The following NFE2L3 variants were observed in gnomAD, a reference collection of about 807,000 sequenced individuals.
NFE2L3 encodes the protein nuclear factor erythroid 2-related factor 3.
NFE2L3 carries 18 observed loss-of-function variants against 23.5 expected under a neutral mutation model. That is an observed-to-expected ratio of 0.77 (90% CI 0.53 to 1.13). NFE2L3 has a LOEUF of 1.13. NFE2L3 is among the 50% of genes most tolerant of loss of function. The probability of loss-of-function intolerance (pLI) is 0.00; values close to 1 mark genes in which losing one functional copy is unlikely to be tolerated. For missense variants in NFE2L3, 1,152 were observed against 877.2 expected, an observed-to-expected ratio of 1.31 and a Z score of -3.96; for synonymous variants, 424 against 354.5, an observed-to-expected ratio of 1.20 and a Z score of -2.20.
chr7:26,178,615 C>T (rs1479567800), intron 2 of NFE2L3, among the ~76,000 whole-genome samples: 2 of 152,200 alleles, frequency 1.3e-5, no homozygotes, highest in African/African-American at 4.8e-5. Flanking sequence ...AGTGGGACCA[C>T]CTCCTTAACT....
intron 1 of NFE2L3, among the ~76,000 whole-genome samples, chr7:26,168,669 G>A (rs1410129270): frequency 1.3e-5 from 2 of 151,742 alleles, no homozygotes; most frequent in Non-Finnish European, 2.9e-5. Context: ...TGCGAATTGT[G>A]CTGCTATAAA....
At chr7:26,163,548 C>A (rs918168810) in intron 1 of NFE2L3, among the ~76,000 whole-genome samples, 1 of 152,040 alleles carries the variant, frequency 6.6e-6, no homozygotes, top group East Asian at 1.9e-4. Context: ...GATTTCACCA[C>A]GTTGACCAGG....
intron 1 of NFE2L3, among the ~76,000 whole-genome samples, chr7:26,155,272 T>C (rs1367237305): frequency 6.6e-6 from 1 of 152,034 alleles, no homozygotes; most frequent in Non-Finnish European, 1.5e-5. Context: ...GTGAACCCCA[T>C]CTTTACTAAA....
In NFE2L3 at chr7:26,152,865, G is replaced by C; in HGVS notation, c.367G>C (p.Glu123Gln). ...VHSVAAGSADEAHGLLGAAAA... is the reference protein window; with the variant it reads ...VHSVAAGSADQAHGLLGAAAA... ...CAGCGTGGCTGCCGGGAGCGCGGAC[G>C]AGGCCCACGGGCTGCTCGGCGCCGC... Residue 123 changes from glutamate (E) to glutamine (Q), a missense_variant, in exon 1 of 4, where the codon GAG (glutamate) becomes CAG (glutamine). Transcript: ENST00000056233. The surrounding 1 kb of genome is among the most constrained non-coding windows in gnomAD (Gnocchi z 4.4). 1 of 1,470,920 alleles carries C rather than the reference G, an allele frequency of 6.8e-7. No homozygotes were observed. The allele number at this position is 1,470,920 out of a possible 1,614,324, so 91.1% of individuals were successfully genotyped here. A position where few individuals can be genotyped will look rare whatever the true frequency, so the allele number is the denominator to read the frequency against.
At chr7:26,173,412 T>C (rs1042703360) in intron 1 of NFE2L3, 1 of 152,224 alleles carries the variant, frequency 6.6e-6, no homozygotes, top group Non-Finnish European at 1.5e-5. Flanking sequence ...GTGTGTTGTA[T>C]TAATGCACAT....
Position 26,185,421 on chromosome 7 carries a change from C to G in NFE2L3, c.1723C>G (p.Gln575Glu), listed in dbSNP as rs1436209413. 6.2e-7 allele frequency: 1 copy of G among 1,614,108 alleles called. No individual in the cohort carries two copies. Residue 575 changes from glutamine (Q) to glutamate (E), a missense_variant, in exon 4 of 4, where the codon CAA becomes GAA. Transcript: ENST00000056233. ...MLSRYYLTDL[Q>E]VSLIRDIRRR... ...AAGTAGATATTATCTGACAGACCTA[C>G]AAGTCTCACTTATCCGTGACATCAG...
At position 26,186,076 on chromosome 7, in the gene NFE2L3, G is replaced by C. The variant is rs1562682016; in HGVS notation, c.*293G>C. The stretch of plus-strand genomic sequence containing the variant: ...AAACCCAGTAAGACTTTCCATCTTG[G>C]CAGCCATCCTTTTTAAGAGTAAGTT... On this transcript the variant is annotated 3_prime_UTR_variant, in exon 4 of 4. Transcript: ENST00000056233. 2 of 240,658 alleles carry C rather than the reference G, an allele frequency of 8.3e-6. No individual in the cohort carries two copies. The highest frequency in any genetic ancestry group is 4.5e-5 in the African/African-American group (2 of 44,604). 14.9% of individuals were successfully genotyped at this position (240,658 alleles called of 1,614,324 possible). A position where few individuals can be genotyped will look rare whatever the true frequency, so the allele number is the denominator to read the frequency against.
At chr7:26,173,784 A>C (rs1344900926) in intron 1 of NFE2L3, 1 of 152,210 alleles carries the variant, frequency 6.6e-6, no homozygotes, top group African/African-American at 2.4e-5. Context: ...ATGTGCCAGA[A>C]TCTGGGTTAC....
chr7:26,181,707 GAA>G lies in NFE2L3; in HGVS notation c.751-1990_751-1989del, dbSNP rs1300674821. On this transcript the variant is annotated intron_variant, in intron 2 of 3. Coordinates refer to ENST00000056233, the MANE Select transcript of NFE2L3 (RefSeq NM_004289.7). ...CAAAAGTCAGGATTCCTAGTCCTCT[GAA>G]AAAGACTCTAAATCAGTGTTTAAAT... 6.6e-5 allele frequency among the ~76,000 whole-genome samples: 10 copies of G among 152,240 alleles called. No homozygotes were observed. The East Asian group carries it at 1.4e-3, about 21-fold the overall frequency.
Position 26,185,477 on chromosome 7 carries a change from G to C in NFE2L3, c.1779G>C (p.Gln593His), listed in dbSNP as rs760726955. ...GAGGGAAAAATAAAGTTGCTGCGCAGAACTGTCGTAAACGCAAATTGGACA... is the reference window on the plus strand; with the variant it reads ...GAGGGAAAAATAAAGTTGCTGCGCACAACTGTCGTAAACGCAAATTGGACA... ...RRRGKNKVAA[Q>H]NCRKRKLDII... The change falls in exon 4 of 4, where the codon CAG becomes CAC. Residue 593 changes from glutamine (Q) to histidine (H), a missense_variant. By Grantham distance (24) the Gln-to-His change is conservative. Transcript: ENST00000056233. 76 of 1,613,874 alleles carry C rather than the reference G, an allele frequency of 4.7e-5. No homozygotes were observed. The highest frequency in any genetic ancestry group is 1.3e-4 in the South Asian group (12 of 91,072).
At chr7:26,183,825 T>C in intron 3 of NFE2L3, 41 bp downstream of exon 3, 2 of 1,257,004 alleles carry the variant, frequency 1.6e-6, no homozygotes, top group South Asian at 1.2e-5. Flanking sequence ...GGAACATATC[T>C]GCACTGACCT....
At chr7:26,158,147 C>T (rs1326062801) in intron 1 of NFE2L3, among the ~76,000 whole-genome samples, 1 of 152,134 alleles carries the variant, frequency 6.6e-6, no homozygotes, top group Non-Finnish European at 1.5e-5. Flanking sequence ...CTCCCAGGAT[C>T]GAGCGATTCT....
intron 1 of NFE2L3, among the ~76,000 whole-genome samples, chr7:26,157,704 T>C (rs1051793754): frequency 6.6e-6 from 1 of 152,210 alleles, no homozygotes; most frequent in Non-Finnish European, 1.5e-5. Flanking sequence ...AGGTGCACTA[T>C]TGTCTTTGTA....
At chr7:26,176,517 G>A (rs1206039546) in intron 1 of NFE2L3, among the ~76,000 whole-genome samples, 40 of 106,726 alleles carry the variant, frequency 3.7e-4, no homozygotes, top group Middle Eastern at 0.011. Context: ...ATGGGCAGCC[G>A]GGCAGAGGCG....
At chr7:26,160,138 T>G (rs1784145549) in intron 1 of NFE2L3, among the ~76,000 whole-genome samples, 1 of 152,038 alleles carries the variant, frequency 6.6e-6, no homozygotes, top group South Asian at 2.1e-4. Context: ...AAAATTTGTT[T>G]GCAGAGACAA....
chr7:26,161,712 C>T (rs569996061), intron 1 of NFE2L3, among the ~76,000 whole-genome samples: 1 of 152,138 alleles, frequency 6.6e-6, no homozygotes, highest in East Asian at 1.9e-4. Flanking sequence ...GCCCAATTTC[C>T]CTAGCTCCTT....
In NFE2L3 at chr7:26,186,496, T is replaced by C. The variant is rs1195578799; in HGVS notation, c.*713T>C. 1 of 152,174 alleles carries C rather than the reference T, an allele frequency of 6.6e-6. No homozygotes were observed. The highest frequency in any genetic ancestry group is 2.4e-5 in the African/African-American group (1 of 41,406). The allele number at this position is 152,174 out of a possible 1,614,324, so 9.4% of individuals were successfully genotyped here. A position where few individuals can be genotyped will look rare whatever the true frequency, so the allele number is the denominator to read the frequency against. The stretch of plus-strand genomic sequence containing the variant: ...CTACCCCAATACTTAACACACAGAA[T>C]ACTATGTGATATAGAATGCACTGAA... On this transcript the variant is annotated 3_prime_UTR_variant, in exon 4 of 4. Transcript: ENST00000056233.
At chr7:26,160,889 G>A (rs907532596) in intron 1 of NFE2L3, among the ~76,000 whole-genome samples, 1 of 152,196 alleles carries the variant, frequency 6.6e-6, no homozygotes, top group Non-Finnish European at 1.5e-5. Flanking sequence ...TTTCCAAATT[G>A]GTAAATGGAG....
intron 2 of NFE2L3, among the ~76,000 whole-genome samples, chr7:26,183,265 A>AT (rs1782370808): frequency 6.6e-6 from 1 of 152,000 alleles, no homozygotes; most frequent in Non-Finnish European, 1.5e-5. Flanking sequence ...TCAGAGAAAT[A>AT]GGTCAGCTGC....
Sources: gnomAD v4.1 joint callset for allele counts (sites outside exome capture counted in the v4.1 genomes callset) on GRCh38, gnomAD v4.1.1 for gene constraint, Gnocchi (gnomAD v3.1) non-coding constraint, MANE v1.5 for transcripts, NCBI Gene and HGNC (gene_info 2026-07-23, HGNC 2026-07-21) for gene names.